Variants in MFSD8 observed in about 807,000 individuals in gnomAD.
MFSD8 encodes major facilitator superfamily domain containing 8, also known as major facilitator superfamily domain-containing protein 8.
In MFSD8, 55 loss-of-function variants were observed where a neutral mutation model predicts 66.4. The ratio of observed to expected loss-of-function variants is 0.83; its 90% CI spans 0.67 to 1.04. MFSD8 has a LOEUF of 1.04. Among genes scored for constraint, MFSD8 ranks in the 50% least tolerant of loss-of-function variants. The pLI, the probability that MFSD8 is intolerant of heterozygous loss-of-function variation, is 0.00. For missense variants in MFSD8, 550 were observed against 627.6 expected, an observed-to-expected ratio of 0.88 and a Z score of 1.32; for synonymous variants, 202 against 212.8, an observed-to-expected ratio of 0.95 and a Z score of 0.44.
chr4:127,936,702 T>G (rs984333848), intron 7 of MFSD8, among the ~76,000 whole-genome samples: 1 of 152,002 alleles, frequency 6.6e-6, no homozygotes, highest in African/African-American at 2.4e-5. Context: ...TATATTTTTA[T>G]ATTTCTTTAT....
intron 7 of MFSD8, among the ~76,000 whole-genome samples, chr4:127,936,359 C>T (rs974839001): frequency 3.3e-5 from 5 of 152,102 alleles, no homozygotes; most frequent in African/African-American, 7.2e-5. Context: ...AGGTGATCCA[C>T]CTGCTTTGGC....
chr4:127,956,625 C>A lies in MFSD8; in HGVS notation c.154+876G>T, dbSNP rs188214488. ...CCTGAGGTTGGGAGTTCGAGACCAG[C>A]CTGACCAACATGGAGACATCCCGTC... is the stretch of plus-strand genomic sequence containing the variant. On this transcript the variant is annotated intron_variant, in intron 2 of 11. Transcript: ENST00000641686. Among the ~76,000 whole-genome samples, 472 of 152,016 alleles carry A rather than the reference C, an allele frequency of 3.1e-3. 2 individuals are homozygous for A. Among genetic ancestry groups the A allele is most frequent in the South Asian group, 6.0e-3 (29 of 4,818 alleles).
intron 9 of MFSD8, among the ~76,000 whole-genome samples, chr4:127,922,645 T>C (rs1736507130): frequency 6.6e-6 from 1 of 151,876 alleles, no homozygotes; most frequent in Non-Finnish European, 1.5e-5. Context: ...AAAAGTGTTA[T>C]AATCTATGAA....
intron 2 of MFSD8, among the ~76,000 whole-genome samples, chr4:127,954,540 C>T (rs955469037): frequency 1.3e-5 from 2 of 152,086 alleles, no homozygotes; most frequent in African/African-American, 2.4e-5. Flanking sequence ...AGCTTGAACC[C>T]GAAAGCGGGA....
chr4:127,929,322 C>CAAAAAAAAAAAAAAAAAA (rs543453360), intron 9 of MFSD8, among the ~76,000 whole-genome samples: 6 of 30,364 alleles, frequency 2.0e-4, no homozygotes, highest in African/African-American at 1.1e-3. Flanking sequence ...GACTCCGTCA[C>CAAAAAAAAAAAAAAAAAA]AAAAAAAAAA....
intron 1 of MFSD8, among the ~76,000 whole-genome samples, chr4:127,963,054 A>T (rs1285466136): frequency 6.6e-6 from 1 of 152,232 alleles, no homozygotes; most frequent in Non-Finnish European, 1.5e-5. Flanking sequence ...AAAGGTAAAA[A>T]TACATTAGGT....
chr4:127,923,563 T>G (rs1736698143), intron 9 of MFSD8, among the ~76,000 whole-genome samples: 1 of 143,564 alleles, frequency 7.0e-6, no homozygotes, highest in African/African-American at 2.5e-5. Context: ...TTATTATTAT[T>G]ATTATTATTA....
intron 1 of MFSD8, 139 bp downstream of exon 1, chr4:127,964,933 A>T: frequency 1.9e-6 from 2 of 1,035,934 alleles, no homozygotes; most frequent in Non-Finnish European, 2.9e-6. Flanking sequence ...TCCTCGGCTC[A>T]CACAACCCAG....
At chr4:127,929,197 C>T (rs1318001634) in intron 9 of MFSD8, among the ~76,000 whole-genome samples, 1 of 151,440 alleles carries the variant, frequency 6.6e-6, no homozygotes, top group East Asian at 1.9e-4. Flanking sequence ...ATGGCATGTG[C>T]CTGTAGTCCC....
At chr4:127,958,816 G>T (rs940520864) in intron 1 of MFSD8, among the ~76,000 whole-genome samples, 1 of 152,122 alleles carries the variant, frequency 6.6e-6, no homozygotes, top group African/African-American at 2.4e-5. Flanking sequence ...TTAGAGCTCA[G>T]ACAAAATCTT....
chr4:127,923,912 C>T (rs1736774215), intron 9 of MFSD8, among the ~76,000 whole-genome samples: 1 of 152,082 alleles, frequency 6.6e-6, no homozygotes, highest in South Asian at 2.1e-4. Flanking sequence ...AGGATTTTCG[C>T]ATCGATGTTC....
chr4:127,948,162 T>C (rs761788867), intron 3 of MFSD8, among the ~76,000 whole-genome samples: 3 of 152,146 alleles, frequency 2.0e-5, no homozygotes, highest in South Asian at 4.1e-4. Context: ...TAGTTGGGTA[T>C]GAACAGGGCA....
At position 127,921,596 on chromosome 4, in the gene MFSD8, T is replaced by C. The variant is rs769272117; in HGVS notation, c.1278A>G (p.Ile426Met). Residue 426 changes from isoleucine (I) to methionine (M), a missense_variant, in exon 11 of 12, where the codon ATA (isoleucine) becomes ATG (methionine). Transcript: ENST00000641686. Reference sequence around the variant, plus strand: ...GATTGCAGACTGGATAGCCTAATCCTATTAGCACAGCTGATGTAAGGAACT... The same window carrying C: ...GATTGCAGACTGGATAGCCTAATCCCATTAGCACAGCTGATGTAAGGAACT... The part of the protein sequence containing the change: ...LAQFLTSAVL[I>M]GLGYPVCNLM... The C allele has an allele frequency of 4.3e-6, 7 of 1,614,228 alleles. No homozygotes were observed. The highest frequency in any genetic ancestry group is 5.9e-6 in the Non-Finnish European group (7 of 1,180,040).
At chr4:127,951,986 C>T (rs1425907900) in intron 2 of MFSD8, among the ~76,000 whole-genome samples, 3 of 152,000 alleles carry the variant, frequency 2.0e-5, no homozygotes, top group Non-Finnish European at 4.4e-5. Context: ...CCTCGGCCTC[C>T]TAAAATGCTG....
chr4:127,938,830 C>G lies in MFSD8; in HGVS notation c.707G>C (p.Arg236Pro), dbSNP rs371250204. Residue 236 changes from arginine (R) to proline (P), a missense_variant, in exon 7 of 12, where the codon CGT becomes CCT. Physicochemically the swap from Arg to Pro is moderately radical, Grantham distance 103 (BLOSUM62 -2). Transcript: ENST00000641686. ...ILILAILREHRVDDSGRQCKS... is the reference protein window; with the variant it reads ...ILILAILREHPVDDSGRQCKS... ...ACACTGTCTTCCTGAGTCATCCACACGATGTTCTCTTAAAAAGAAAAACAC... is the reference window on the plus strand; with the variant it reads ...ACACTGTCTTCCTGAGTCATCCACAGGATGTTCTCTTAAAAAGAAAAACAC... 7 of 1,606,796 alleles carry G rather than the reference C, an allele frequency of 4.4e-6. No homozygotes were observed. In the African/African-American group the frequency reaches 9.4e-5, roughly 22 times the overall value.
intron 2 of MFSD8, among the ~76,000 whole-genome samples, chr4:127,952,844 TG>T (rs1742226662): frequency 7.5e-6 from 1 of 133,268 alleles, no homozygotes. Flanking sequence ...CACTTCAGCC[TG>T]GAAGACAGAG....
At chr4:127,934,678 C>G (rs1381539252) in intron 7 of MFSD8, 1 of 149,850 alleles carries the variant, frequency 6.7e-6, no homozygotes, top group Non-Finnish European at 1.5e-5. Context: ...CTCCCGGGTT[C>G]AAGCGATTCT....
intron 9 of MFSD8, among the ~76,000 whole-genome samples, 183 bp downstream of exon 9, chr4:127,930,500 A>C (rs947700539): frequency 6.6e-6 from 1 of 152,210 alleles, no homozygotes; most frequent in Non-Finnish European, 1.5e-5. Flanking sequence ...ACTTTGTGAG[A>C]AATTTTGTTT....
intron 2 of MFSD8, among the ~76,000 whole-genome samples, chr4:127,957,227 T>A (rs772391115): frequency 1.3e-5 from 2 of 152,170 alleles, no homozygotes; most frequent in Non-Finnish European, 2.9e-5. Flanking sequence ...AGAAACAAAG[T>A]TTGCTAGGGC....
Sources: allele counts gnomAD v4.1 joint callset (sites outside exome capture counted in the v4.1 genomes callset), GRCh38; gene constraint gnomAD v4.1.1; transcripts MANE v1.5; gene names NCBI Gene and HGNC (gene_info 2026-07-23, HGNC 2026-07-21).